SYNPR: variants seen among roughly 807,000 people sequenced by gnomAD.
SYNPR encodes the protein synaptoporin.
SYNPR carries 23 observed loss-of-function variants against 32.9 expected under a neutral mutation model. That is an observed-to-expected ratio of 0.70 (90% CI 0.50 to 0.99). SYNPR has a LOEUF of 0.99. Ranked by LOEUF, SYNPR falls within the 50% of genes least tolerant of loss-of-function variation. The pLI, the probability that SYNPR is intolerant of heterozygous loss-of-function variation, is 0.00. For synonymous variants in SYNPR, 146 were observed against 135.9 expected (o/e 1.07, Z -0.52); for missense variants, 318 against 349.3 (o/e 0.91, Z 0.71).
chr3:63,397,373 G>C (rs887005178), intron 2 of SYNPR, among the ~76,000 whole-genome samples: 2 of 152,100 alleles, frequency 1.3e-5, no homozygotes, highest in African/African-American at 2.4e-5. Context: ...TGAAACTCTG[G>C]TATAAAACAG....
chr3:63,227,424 T>A (rs572494518), upstream of SYNPR, among the ~76,000 whole-genome samples: 1 of 152,194 alleles, frequency 6.6e-6, no homozygotes, highest in African/African-American at 2.4e-5. Flanking sequence ...GGAGATAAAA[T>A]CAGAGAGAGA....
chr3:63,270,074 A>G (rs2086521565), intron 3 of SYNPR, among the ~76,000 whole-genome samples: 1 of 152,238 alleles, frequency 6.6e-6, no homozygotes, highest in African/African-American at 2.4e-5. Flanking sequence ...AAAAATGACT[A>G]AAGAAGGTAG....
At chr3:63,336,404 G>A (rs553768801) in intron 2 of SYNPR, among the ~76,000 whole-genome samples, 2 of 151,146 alleles carry the variant, frequency 1.3e-5, no homozygotes, top group East Asian at 2.0e-4. Context: ...AGTTACAAAC[G>A]TGCACTATTT....
chr3:63,485,789 T>G (rs1454356822), intron 3 of SYNPR, among the ~76,000 whole-genome samples: 1 of 152,116 alleles, frequency 6.6e-6, no homozygotes, highest in African/African-American at 2.4e-5. Context: ...ATAAAAAAGA[T>G]TTTCAGTTTG....
chr3:63,408,142 A>AAAAGAAAG (rs199743513), intron 2 of SYNPR, among the ~76,000 whole-genome samples: 553 of 28,422 alleles, frequency 0.019, 37 homozygotes, highest in East Asian at 0.049. Context: ...TAGAAGAAAG[A>AAAAGAAAG]AAAGAAAGAA....
intron 5 of SYNPR, among the ~76,000 whole-genome samples, chr3:63,614,026 C>A (rs1029712853): frequency 3.1e-5 from 4 of 130,614 alleles, no homozygotes; most frequent in Non-Finnish European, 6.9e-5. Context: ...ACACCAGTGC[C>A]CCCTCTGCCA....
chr3:63,270,862 T>C (rs1396047699), intron 3 of SYNPR, among the ~76,000 whole-genome samples: 1 of 28,692 alleles, frequency 3.5e-5, no homozygotes, highest in Non-Finnish European at 1.2e-4. Flanking sequence ...CTCCCTTCTT[T>C]CCTTCCTTCC....
chr3:63,347,670 A>C (rs1157725567), intron 2 of SYNPR, among the ~76,000 whole-genome samples: 1 of 152,016 alleles, frequency 6.6e-6, no homozygotes, highest in Non-Finnish European at 1.5e-5. Context: ...CTGTTATTCC[A>C]CATTCTATGT....
In SYNPR at chr3:63,556,651, T is replaced by C; in HGVS notation, c.318T>C (p.Ala106=). The C allele has an allele frequency of 1.2e-6, 2 of 1,613,918 alleles. No homozygotes were observed. Among genetic ancestry groups the C allele is most frequent in the Non-Finnish European group, 8.5e-7 (1 of 1,179,850 alleles). ...SSSAEFFVTV[A]VFAFLYSLAA... ...CAGCAGAGTTCTTCGTCACTGTTGC[T>C]GTCTTCGCCTTCCTCTACTCTTTGG... Residue 106 remains alanine (A), a synonymous_variant, in exon 4 of 6, where the codon GCT becomes GCC. Coordinates refer to ENST00000478300, the MANE Select transcript of SYNPR (RefSeq NM_001130003.2).
chr3:63,402,663 G>T (rs952645647), intron 2 of SYNPR, among the ~76,000 whole-genome samples: 1 of 152,212 alleles, frequency 6.6e-6, no homozygotes, highest in Non-Finnish European at 1.5e-5. Context: ...GAGAGGAAAA[G>T]AGGTGAATCC....
At chr3:63,347,875 T>TTGTGTGTGTG (rs10597535) in intron 2 of SYNPR, among the ~76,000 whole-genome samples, 18 of 144,496 alleles carry the variant, frequency 1.2e-4, no homozygotes, top group Middle Eastern at 3.5e-3. Context: ...TAGTATTCCA[T>TTGTGTGTGTG]TGTGTGTGTG....
At chr3:63,577,617 G>A (rs1011078436) in intron 4 of SYNPR, among the ~76,000 whole-genome samples, 2 of 152,146 alleles carry the variant, frequency 1.3e-5, no homozygotes, top group African/African-American at 4.8e-5. Flanking sequence ...GTGTGTAGGT[G>A]TATGAATGTA....
chr3:63,353,676 C>G (rs1446866219), intron 2 of SYNPR, among the ~76,000 whole-genome samples: 1 of 152,176 alleles, frequency 6.6e-6, no homozygotes, highest in Non-Finnish European at 1.5e-5. Context: ...ACTGTCCCCT[C>G]CACTTATAAA....
intron 4 of SYNPR, among the ~76,000 whole-genome samples, chr3:63,575,658 CA>C (rs991340377): frequency 3.3e-5 from 5 of 151,994 alleles, no homozygotes; most frequent in Admixed American, 6.6e-5. Context: ...GAAATTTAAT[CA>C]AAAAAACATG....
chr3:63,399,889 T>C (rs1010596230), intron 2 of SYNPR, among the ~76,000 whole-genome samples: 32 of 152,248 alleles, frequency 2.1e-4, no homozygotes, highest in African/African-American at 7.2e-4. Flanking sequence ...GTTCCTAGTC[T>C]GGACCTTAAA....
chr3:63,245,976 T>C (rs1461494808), intron 1 of SYNPR, among the ~76,000 whole-genome samples: 2 of 152,000 alleles, frequency 1.3e-5, no homozygotes, highest in Non-Finnish European at 2.9e-5. Flanking sequence ...AAACATTTCA[T>C]TGCTAAATGT....
intron 2 of SYNPR, among the ~76,000 whole-genome samples, chr3:63,370,584 G>A (rs903609992): frequency 3.9e-5 from 6 of 152,140 alleles, no homozygotes; most frequent in African/African-American, 1.2e-4. Context: ...TGTTTAAAAT[G>A]GACAAATACC....
intron 2 of SYNPR, among the ~76,000 whole-genome samples, chr3:63,455,274 G>A (rs1700459980): frequency 6.6e-6 from 1 of 152,008 alleles, no homozygotes. Context: ...AACTCTTATA[G>A]GACAATTAGA....
intron 2 of SYNPR, among the ~76,000 whole-genome samples, chr3:63,298,723 G>T (rs1461133229): frequency 6.6e-6 from 1 of 152,136 alleles, no homozygotes; most frequent in Non-Finnish European, 1.5e-5. Flanking sequence ...CCTTATTTGG[G>T]AGGTAGTCCC....
Sources: allele counts gnomAD v4.1 joint callset (sites outside exome capture counted in the v4.1 genomes callset), GRCh38; gene constraint gnomAD v4.1.1; transcripts MANE v1.5; gene names NCBI Gene and HGNC (gene_info 2026-07-23, HGNC 2026-07-21).